Variants in PIGA observed in about 807,000 individuals in gnomAD.
PIGA encodes phosphatidylinositol N-acetylglucosaminyltransferase subunit A.
In PIGA, 3 loss-of-function variants were observed where a neutral mutation model predicts 17.1. The ratio of observed to expected loss-of-function variants is 0.18; its 90% CI spans 0.08 to 0.45. The LOEUF is 0.45. PIGA is among the 20% of genes least tolerant of loss of function. PIGA has a pLI of 0.99. For synonymous variants in PIGA, 126 were observed against 135.1 expected (o/e 0.93, Z 0.47); for missense variants, 231 against 374.1 (o/e 0.62, Z 3.16).
At chrX:15,321,908 T>C in intron 5 of PIGA, 136 bp from the exon 6 acceptor site, 1 of 550,043 alleles carries the variant, frequency 1.8e-6, no homozygotes, top group Middle Eastern at 3.5e-4. Context: ...TTGTTGTTGT[T>C]GTCATAGTAA....
At chrX:15,334,040 T>C (rs993471748) in intron 1 of PIGA, among the ~76,000 whole-genome samples, 5 of 111,188 alleles carry the variant, frequency 4.5e-5, no homozygotes, top group Admixed American at 2.9e-4. Flanking sequence ...AAATGAGATT[T>C]CCAAGGCTCC....
Position 15,324,792 on chromosome X carries a change from G to C in PIGA, c.1061C>G (p.Ser354Cys). 3 of 1,208,359 alleles carry C rather than the reference G, an allele frequency of 2.5e-6. No homozygotes were observed. Among genetic ancestry groups the C allele is most frequent in the Non-Finnish European group, 3.4e-6 (3 of 892,717 alleles). Residue 354 changes from serine (S) to cysteine (C), a missense_variant, in exon 5 of 6, where the codon TCT (serine) becomes TGT (cysteine). By Grantham distance (112) the Ser-to-Cys change is moderately radical. Transcript: ENST00000333590. ...AGCCTTTTCCAATCCTTCACACAAA[G>C]ATTTTACTGAAGGCTCACATAAAAT... ...LIILCEPSVK[S>C]LCEGLEKAIF...
rs1248868030 is a variant in PIGA at position 15,324,716 on chromosome X, G to A, written c.1137C>T (p.Asn379=). 8.3e-7 allele frequency: 1 copy of A among 1,208,337 alleles called. No homozygotes were observed. Among genetic ancestry groups the A allele is most frequent in the Non-Finnish European group, 1.1e-6 (1 of 892,489 alleles). Residue 379 remains asparagine (N), a synonymous_variant, in exon 5 of 6, where the codon AAC becomes AAT. Transcript: ENST00000333590. ...GTLPAPENIH[N]IVKTFYTWRN... ...TCCAGGTGTAGAAAGTCTTTACTAT[G>A]TTATGGATGTTTTCTGGAGCTGGCA...
chrX:15,329,705 T>G (rs767875599), intron 2 of PIGA, among the ~76,000 whole-genome samples: 1 of 111,757 alleles, frequency 8.9e-6, no homozygotes, highest in Admixed American at 9.5e-5. Context: ...ACACTGTTTT[T>G]TATAACCAGA....
Position 15,331,227 on chromosome X carries a change from A to G in PIGA, c.704T>C (p.Val235Ala). Residue 235 changes from valine to alanine, a missense_variant, in exon 2 of 6, where the codon GTT (valine) becomes GCT (alanine). Coordinates refer to ENST00000333590, the MANE Select transcript of PIGA (RefSeq NM_002641.4). ...SITIVVVSRLVYRKGIDLLSG... is the reference protein window; with the variant it reads ...SITIVVVSRLAYRKGIDLLSG... ...TATCATTTCATTACCTTTTCTGTAA[A>G]CAAGTCTGCTGACAACAACAATAGT... 1 of 1,189,684 alleles carries G rather than the reference A, an allele frequency of 8.4e-7. No individual in the cohort carries two copies. Among genetic ancestry groups the G allele is most frequent in the East Asian group, 3.0e-5 (1 of 33,565 alleles).
In PIGA at chrX:15,321,397, T is replaced by C. The variant is rs1415469996; in HGVS notation, c.*109A>G. 3.3e-6 allele frequency: 2 copies of C among 606,609 alleles called. No homozygotes were observed. The highest frequency in any genetic ancestry group is 5.3e-6 in the Non-Finnish European group (2 of 378,730). The allele number at this position is 606,609 out of a possible 1,213,427, so 50.0% of individuals were successfully genotyped here. ...TTGAATGATATAGAGGTAGCATAAC[T>C]TACTAAATTAACTCTAAAAAAACAA... On this transcript the variant is annotated 3_prime_UTR_variant, in exon 6 of 6. Transcript: ENST00000333590.
rs377014685 is a variant in PIGA at position 15,325,011 on chromosome X, G to A, written c.981+9C>T. ...AATCCCAACCATGAATGCCCTCAAAGCTTTTTACCTGTAAACCACAACTGG... is the reference window on the plus strand; with the variant it reads ...AATCCCAACCATGAATGCCCTCAAAACTTTTTACCTGTAAACCACAACTGG... On this transcript the variant is annotated intron_variant, in intron 4 of 5. Transcript: ENST00000333590. 8.4e-7 allele frequency: 1 copy of A among 1,193,630 alleles called. No individual in the cohort carries two copies. The highest frequency in any genetic ancestry group is 1.8e-5 in the African/African-American group (1 of 56,379).
intron 2 of PIGA, chrX:15,328,957 C>T (rs1245774676): frequency 8.9e-6 from 1 of 112,449 alleles, no homozygotes; most frequent in Non-Finnish European, 1.9e-5. Flanking sequence ...TACAGAATGC[C>T]AGTCGGTTCA....
intron 1 of PIGA, among the ~76,000 whole-genome samples, chrX:15,334,240 G>C (rs2147726223): frequency 1.1e-5 from 1 of 93,450 alleles, no homozygotes; most frequent in African/African-American, 4.2e-5. Context: ...GCCCAGGCTA[G>C]TGTGCAGTGG....
At chrX:15,329,935 AT>A (rs1922102166) in intron 2 of PIGA, among the ~76,000 whole-genome samples, 1 of 111,261 alleles carries the variant, frequency 9.0e-6, no homozygotes, top group Non-Finnish European at 1.9e-5. Context: ...AATACAAAAA[AT>A]TAGCTGGGCT....
intron 5 of PIGA, among the ~76,000 whole-genome samples, chrX:15,323,267 C>G (rs1213530943): frequency 1.8e-5 from 2 of 111,617 alleles, no homozygotes. Flanking sequence ...TGAAGAAGGT[C>G]AAGTCACAAC....
intron 1 of PIGA, among the ~76,000 whole-genome samples, chrX:15,334,523 C>T (rs1193001154): frequency 4.5e-5 from 5 of 110,564 alleles, no homozygotes; most frequent in African/African-American, 1.7e-4. Context: ...TCGGAAAGAC[C>T]CCAGAAGTGT....
chrX:15,333,505 A>C (rs1922229614), intron 1 of PIGA, among the ~76,000 whole-genome samples: 1 of 110,857 alleles, frequency 9.0e-6, no homozygotes, highest in African/African-American at 3.3e-5. Flanking sequence ...ACATGAAGAA[A>C]CCTCATCTCT....
chrX:15,329,852 G>A (rs754887902), intron 2 of PIGA, among the ~76,000 whole-genome samples: 1 of 111,343 alleles, frequency 9.0e-6, no homozygotes, highest in South Asian at 3.8e-4. Context: ...TTGGGAGGCC[G>A]GGGCAGGTGG....
At chrX:15,326,071 G>A in intron 2 of PIGA, 25 bp from the exon 3 acceptor site, 1 of 1,035,735 alleles carries the variant, frequency 9.7e-7, no homozygotes, top group Non-Finnish European at 1.3e-6. Flanking sequence ...TTGAATGTTG[G>A]AGATATTAAT....
chrX:15,333,586 C>G (rs986267655), intron 1 of PIGA, among the ~76,000 whole-genome samples: 1 of 111,991 alleles, frequency 8.9e-6, no homozygotes, highest in South Asian at 3.8e-4. Flanking sequence ...GAGGCTGAGG[C>G]AGGAGAACCG....
chrX:15,323,637 A>G (rs1001521830), intron 5 of PIGA, among the ~76,000 whole-genome samples: 1 of 112,147 alleles, frequency 8.9e-6, no homozygotes, highest in Non-Finnish European at 1.9e-5. Flanking sequence ...TGGAAAATGT[A>G]TAAGACAATT....
Position 15,319,969 on chromosome X carries a change from A to G in PIGA, c.*1537T>C, listed in dbSNP as rs1474347356. 1.8e-5 allele frequency: 2 copies of G among 112,222 alleles called. No homozygotes were observed. The highest frequency in any genetic ancestry group is 3.8e-5 in the Non-Finnish European group (2 of 53,244). 9.2% of individuals were successfully genotyped at this position (112,222 alleles called of 1,213,427 possible). On this transcript the variant is annotated 3_prime_UTR_variant, in exon 6 of 6. Coordinates refer to ENST00000333590, the MANE Select transcript of PIGA (RefSeq NM_002641.4). ...TACTGGCACTGTTTATTTCATGTTT[A>G]TATGTGAGTTTCTATGCATAAAAAT... is the stretch of plus-strand genomic sequence containing the variant.
chrX:15,322,623 C>T lies in PIGA; in HGVS notation c.1189-851G>A, dbSNP rs189441442. ...AGTCTCATATATTAGACCTTTAAACCGTCTCCTTTTGAACTCAAGGAAGTT... is the reference window on the plus strand; with the variant it reads ...AGTCTCATATATTAGACCTTTAAACTGTCTCCTTTTGAACTCAAGGAAGTT... On this transcript the variant is annotated intron_variant, in intron 5 of 5. Transcript: ENST00000333590. Among the ~76,000 whole-genome samples the T allele has an allele frequency of 1.4e-3, 157 of 111,666 alleles. 1 individual carries two copies. Among genetic ancestry groups the T allele is most frequent in the African/African-American group, 5.0e-3 (154 of 30,737 alleles).
Sources: allele counts gnomAD v4.1 joint callset (sites outside exome capture counted in the v4.1 genomes callset), GRCh38; gene constraint gnomAD v4.1.1; transcripts MANE v1.5; gene names NCBI Gene and HGNC (gene_info 2026-07-23, HGNC 2026-07-21).